The following ARHGEF3 variants were observed in gnomAD, a reference collection of about 807,000 sequenced individuals.
ARHGEF3 encodes Rho guanine nucleotide exchange factor 3.
A neutral mutation model predicts 63.2 loss-of-function variants in ARHGEF3; 28 were observed. That is an observed-to-expected ratio of 0.44 (90% confidence interval 0.33 to 0.61). The LOEUF (loss-of-function observed/expected upper bound fraction) is 0.61, where lower values mean the gene tolerates loss of function less well. Among genes scored for constraint, ARHGEF3 ranks in the 20% least tolerant of loss-of-function variants. The pLI, the probability that ARHGEF3 is intolerant of heterozygous loss-of-function variation, is 0.03. For synonymous variants in ARHGEF3, 266 were observed against 254.2 expected, an observed-to-expected ratio of 1.05 and a Z score of -0.44; for missense variants, 533 against 659.3, an observed-to-expected ratio of 0.81 and a Z score of 2.10.
At chr3:56,784,625 G>C (rs551355805) in intron 1 of ARHGEF3, among the ~76,000 whole-genome samples, 25 of 152,328 alleles carry the variant, frequency 1.6e-4, no homozygotes, top group African/African-American at 6.0e-4. Flanking sequence ...CTTGGGTGGG[G>C]TTGGAGAAGG....
At chr3:56,855,843 T>G (rs1456303841) in intron 4 of ARHGEF3, among the ~76,000 whole-genome samples, 1 of 152,148 alleles carries the variant, frequency 6.6e-6, no homozygotes, top group African/African-American at 2.4e-5. Flanking sequence ...GTACAGATGA[T>G]GATGACACAG....
intron 1 of ARHGEF3, among the ~76,000 whole-genome samples, chr3:57,059,678 G>A (rs1705115477): frequency 6.6e-6 from 1 of 152,178 alleles, no homozygotes; most frequent in Admixed American, 6.6e-5. Flanking sequence ...ATGACTGCCT[G>A]ATGGGGTGAC....
At chr3:57,071,285 C>T (rs573730648) in intron 1 of ARHGEF3, among the ~76,000 whole-genome samples, 1 of 152,224 alleles carries the variant, frequency 6.6e-6, no homozygotes, top group Admixed American at 6.5e-5. Flanking sequence ...TAGACCCCTA[C>T]CTCACACCAC....
chr3:56,751,279 A>G, intron 5 of ARHGEF3, 21 bp downstream of exon 5: 1 of 1,597,490 alleles, frequency 6.3e-7, no homozygotes. Context: ...GTCACGACTC[A>G]TCCTGGGAAC....
At chr3:57,007,312 G>C (rs1367954750) in intron 2 of ARHGEF3, 2 of 1,289,708 alleles carry the variant, frequency 1.6e-6, no homozygotes, top group South Asian at 1.2e-5. Context: ...TGATTGCGCT[G>C]GTTCCAGAAA....
intron 1 of ARHGEF3, among the ~76,000 whole-genome samples, chr3:56,792,102 T>TGAAAAA (rs766106476): frequency 1.9e-5 from 1 of 51,550 alleles, no homozygotes; most frequent in Non-Finnish European, 4.2e-5. Context: ...AGACTCTGTC[T>TGAAAAA]CAAAAAAAAA....
Position 56,748,125 on chromosome 3 carries a change from C to G in ARHGEF3, c.613-2663G>C, listed in dbSNP as rs2034503391. On this transcript the variant is annotated intron_variant, in intron 6 of 9. Coordinates refer to ENST00000296315, the MANE Select transcript of ARHGEF3 (RefSeq NM_019555.3). ...TCATGGCTTACTGCAGCCTCTTCTT[C>G]CCAGGCTCAAACAATTCTCCCTCCT... 1.3e-5 allele frequency among the ~76,000 whole-genome samples: 2 copies of G among 152,180 alleles called. 1 individual carries two copies. Among genetic ancestry groups the G allele is most frequent in the Admixed American group, 1.3e-4 (2 of 15,276 alleles).
At chr3:57,040,180 G>T (rs537132474) in intron 1 of ARHGEF3, among the ~76,000 whole-genome samples, 1 of 152,236 alleles carries the variant, frequency 6.6e-6, no homozygotes, top group East Asian at 1.9e-4. Context: ...TCTGTCTACA[G>T]AAAGTACCAC....
intron 1 of ARHGEF3, among the ~76,000 whole-genome samples, chr3:57,037,951 C>T (rs948229712): frequency 3.3e-5 from 5 of 152,230 alleles, no homozygotes; most frequent in Admixed American, 6.5e-5. Flanking sequence ...CTGGGGGCAT[C>T]GATCTCTGTG....
At chr3:57,017,992 C>T (rs549696765) in intron 2 of ARHGEF3, among the ~76,000 whole-genome samples, 1 of 152,304 alleles carries the variant, frequency 6.6e-6, no homozygotes, top group Non-Finnish European at 1.5e-5. Flanking sequence ...ATTCAAGATG[C>T]TTAAAAGCCA....
intron 1 of ARHGEF3, among the ~76,000 whole-genome samples, chr3:57,038,813 AG>A (rs1477870651): frequency 1.3e-5 from 2 of 152,200 alleles, no homozygotes; most frequent in Non-Finnish European, 2.9e-5. Context: ...TGGTAAGTTC[AG>A]GGCTCTCACA....
chr3:57,039,752 C>T (rs1704102109), intron 1 of ARHGEF3, among the ~76,000 whole-genome samples: 1 of 152,136 alleles, frequency 6.6e-6, no homozygotes, highest in African/African-American at 2.4e-5. Flanking sequence ...TCTGTCTTCT[C>T]TTTCCTCTGC....
chr3:56,888,430 G>C (rs977676594), intron 3 of ARHGEF3, among the ~76,000 whole-genome samples: 1 of 152,162 alleles, frequency 6.6e-6, no homozygotes, highest in Non-Finnish European at 1.5e-5. Context: ...TGACCCCTTT[G>C]TCTCAATGCC....
chr3:56,796,298 G>A (rs913844969), intron 1 of ARHGEF3, among the ~76,000 whole-genome samples: 1 of 152,186 alleles, frequency 6.6e-6, no homozygotes, highest in African/African-American at 2.4e-5. Flanking sequence ...ATCACAGGGT[G>A]TCTCGAGAAA....
intron 1 of ARHGEF3, among the ~76,000 whole-genome samples, chr3:57,055,258 T>C (rs1445984008): frequency 6.7e-6 from 1 of 149,866 alleles, no homozygotes; most frequent in Non-Finnish European, 1.5e-5. Flanking sequence ...GCCTCCCAGG[T>C]TCAAGCGATT....
intron 1 of ARHGEF3, among the ~76,000 whole-genome samples, chr3:57,070,971 C>CAAA (rs1231328722): frequency 2.8e-4 from 14 of 49,618 alleles, no homozygotes; most frequent in Non-Finnish European, 4.1e-4. Context: ...GACTCTGTCA[C>CAAA]AAAAAAAAAA....
At position 56,737,288 on chromosome 3, in the gene ARHGEF3, T is replaced by C; in HGVS notation, c.938A>G (p.Tyr313Cys). 1 of 1,613,120 alleles carries C rather than the reference T, an allele frequency of 6.2e-7. No homozygotes were observed. Residue 313 changes from tyrosine to cysteine, a missense_variant, in exon 8 of 10, where the codon TAT (tyrosine) becomes TGT (cysteine). Tyr to Cys is a radical substitution (Grantham distance 194, BLOSUM62 -2). Around this residue, in one of 4 missense-constraint regions of ARHGEF3, gnomAD observed 151 missense variants for 190.7 expected, o/e 0.79. Transcript: ENST00000296315. ...TKTGESECRY[Y>C]KERLLYLEEG... is the part of the protein sequence containing the mutation. ...TTCCAAGTAAAGAAGCCGCTCTTTA[T>C]AATAGCGGCATTCAGATTCACCAGT...
At chr3:56,948,992 G>A (rs1354686785) in intron 3 of ARHGEF3, among the ~76,000 whole-genome samples, 4 of 152,104 alleles carry the variant, frequency 2.6e-5, no homozygotes, top group South Asian at 2.1e-4. Context: ...ATCAATAAAC[G>A]TAATCCAGCA....
intron 1 of ARHGEF3, among the ~76,000 whole-genome samples, chr3:57,055,175 T>G (rs1442528214): frequency 6.6e-6 from 1 of 151,358 alleles, no homozygotes; most frequent in Non-Finnish European, 1.5e-5. Context: ...TTTTTTTTTT[T>G]TTTTGAGACG....
Sources: gnomAD v4.1 joint callset for allele counts (sites outside exome capture counted in the v4.1 genomes callset) on GRCh38, gnomAD v4.1.1 for gene constraint, gnomAD v4.1.1 regional missense constraint, MANE v1.5 for transcripts, NCBI Gene and HGNC (gene_info 2026-07-23, HGNC 2026-07-21) for gene names.